GALNT2: variants seen among roughly 807,000 people sequenced by gnomAD.
GALNT2 encodes polypeptide N-acetylgalactosaminyltransferase 2.
GALNT2 carries 31 observed loss-of-function variants against 81.4 expected under a neutral mutation model. The observed-to-expected ratio is 0.38, with a 90% CI of 0.29 to 0.51. The LOEUF (loss-of-function observed/expected upper bound fraction) is 0.51, where lower values mean the gene tolerates loss of function less well. Among genes scored for constraint, GALNT2 ranks in the 20% least tolerant of loss-of-function variants. GALNT2 has a pLI of 0.87. For missense variants in GALNT2, 629 were observed against 765.7 expected (o/e 0.82, Z 2.11); for synonymous variants, 303 against 287.4 (o/e 1.05, Z -0.55).
chr1:230,270,385 T>A (rs1436653806), intron 14 of GALNT2, among the ~76,000 whole-genome samples: 1 of 152,218 alleles, frequency 6.6e-6, no homozygotes, highest in African/African-American at 2.4e-5. Context: ...CTACTATCAG[T>A]ACTTTCCAAT....
At chr1:230,179,459 AT>A (rs1157514557) in intron 2 of GALNT2, among the ~76,000 whole-genome samples, 1 of 152,194 alleles carries the variant, frequency 6.6e-6, no homozygotes, top group East Asian at 1.9e-4. Flanking sequence ...CCTCACCAGC[AT>A]TTGGTGTTGC....
intron 1 of GALNT2, among the ~76,000 whole-genome samples, chr1:230,137,466 T>G (rs56411650): frequency 6.6e-6 from 1 of 152,214 alleles, no homozygotes; most frequent in African/African-American, 2.4e-5. Flanking sequence ...CTGGCTTTGC[T>G]GAGAGGGTGC....
intron 2 of GALNT2, among the ~76,000 whole-genome samples, chr1:230,183,988 A>AT (rs1663238885): frequency 6.6e-6 from 1 of 151,876 alleles, no homozygotes; most frequent in African/African-American, 2.4e-5. Context: ...AAAAAAAAAA[A>AT]GGAAAAGTTT....
chr1:230,258,070 A>G lies in GALNT2; in HGVS notation c.1136+2726A>G, dbSNP rs575567461. On this transcript the variant is annotated intron_variant, in intron 11 of 15. Coordinates refer to ENST00000366672, the MANE Select transcript of GALNT2 (RefSeq NM_004481.5). ...CCTGGGCTTACAGGCATGTGCCACCATGCCCGGCTAATTTTTGTATTTTTA... is the reference window on the plus strand; with the variant it reads ...CCTGGGCTTACAGGCATGTGCCACCGTGCCCGGCTAATTTTTGTATTTTTA... Among the ~76,000 whole-genome samples, 6 of 152,070 alleles carry G rather than the reference A, an allele frequency of 3.9e-5. No individual in the cohort carries two copies. The East Asian group carries it at 9.7e-4, about 25-fold the overall frequency.
chr1:230,246,335 CT>C (rs1324579369), intron 8 of GALNT2, among the ~76,000 whole-genome samples, 185 bp downstream of exon 8: 10 of 152,212 alleles, frequency 6.6e-5, no homozygotes, highest in Non-Finnish European at 1.5e-4. Flanking sequence ...AATAGGCTTG[CT>C]CCCTTAAAGA....
chr1:230,279,415 C>T lies in GALNT2; in HGVS notation c.1673C>T (p.Ala558Val). The T allele has an allele frequency of 6.2e-7, 1 of 1,614,116 alleles. No individual in the cohort carries two copies. Among genetic ancestry groups the T allele is most frequent in the Non-Finnish European group, 8.5e-7 (1 of 1,180,020 alleles). Residue 558 changes from alanine (A) to valine (V), a missense_variant, in exon 16 of 16, where the codon GCC becomes GTC. By Grantham distance (64) the Ala-to-Val change is moderately conservative. Transcript: ENST00000366672. This position sits in a 1 kb window ranked among gnomAD's most constrained non-coding sequence, Gnocchi z 4.6. The part of the protein sequence containing the change: ...GGLSVEVCGP[A>V]LSQQWKFTLN... Reference sequence around the variant, plus strand: ...CTAAGCGTGGAGGTGTGTGGCCCGGCCCTTTCGCAGCAGTGGAAGTTCACG... The same window carrying T: ...CTAAGCGTGGAGGTGTGTGGCCCGGTCCTTTCGCAGCAGTGGAAGTTCACG...
At chr1:230,083,262 G>C (rs1558275421) in intron 1 of GALNT2, among the ~76,000 whole-genome samples, 1 of 144,146 alleles carries the variant, frequency 6.9e-6, no homozygotes, top group African/African-American at 2.8e-5. Context: ...CAGGCAGCCA[G>C]GATGATGGAG....
intron 1 of GALNT2, among the ~76,000 whole-genome samples, chr1:230,075,045 T>G (rs1045581310): frequency 6.6e-6 from 1 of 151,140 alleles, no homozygotes; most frequent in Non-Finnish European, 1.5e-5. Context: ...GCGGCCTCAT[T>G]TGGAAAGTTC....
At chr1:230,235,907 T>C in intron 3 of GALNT2, 107 bp from the exon 4 acceptor site, 2 of 899,334 alleles carry the variant, frequency 2.2e-6, no homozygotes, top group Non-Finnish European at 1.8e-6. Flanking sequence ...AAGTTAATCA[T>C]AGCATGTCCA....
chr1:230,247,753 C>G (rs985948362), intron 8 of GALNT2, among the ~76,000 whole-genome samples: 2 of 151,922 alleles, frequency 1.3e-5, no homozygotes, highest in Non-Finnish European at 2.9e-5. Context: ...CCACGTTCAC[C>G]CTAAGAGCAT....
At chr1:230,262,815 A>T in intron 12 of GALNT2, 107 bp from the exon 13 acceptor site, 2 of 1,326,174 alleles carry the variant, frequency 1.5e-6, no homozygotes, top group African/African-American at 1.4e-5. Flanking sequence ...AGTCCACACC[A>T]CACCACCTGC....
chr1:230,277,824 A>G (rs922310843), intron 15 of GALNT2, among the ~76,000 whole-genome samples: 1 of 152,186 alleles, frequency 6.6e-6, no homozygotes, highest in African/African-American at 2.4e-5. Context: ...TGGCTTTGCC[A>G]GTTGGAACAT....
rs1664352039 is a variant in GALNT2, at chr1:230,215,198, C to T, written c.374+11908C>T. Among the ~76,000 whole-genome samples the T allele has an allele frequency of 2.0e-5, 3 of 152,172 alleles. No homozygotes were observed. The South Asian group carries it at 6.2e-4, about 31-fold the overall frequency. On this transcript the variant is annotated intron_variant, in intron 3 of 15. Transcript: ENST00000366672. ...GGAAGTCTGGGATATGTATCAGAGC[C>T]CAGTTTCCTCAGCAAGCCCTGAAGT...
chr1:230,279,423 C>A lies in GALNT2; in HGVS notation c.1681C>A (p.Gln561Lys). The A allele has an allele frequency of 6.2e-7, 1 of 1,614,126 alleles. No individual in the cohort carries two copies. The change falls in exon 16 of 16, where the codon CAG becomes AAG. Residue 561 changes from glutamine to lysine, a missense_variant. By Grantham distance (53) the Gln-to-Lys change is moderately conservative. Around this residue, in one of 3 missense-constraint regions of GALNT2, gnomAD observed 207 missense variants for 225.5 expected, o/e 0.92. Transcript: ENST00000366672. This position sits in a 1 kb window ranked among gnomAD's most constrained non-coding sequence, Gnocchi z 4.6. ...SVEVCGPALS[Q>K]QWKFTLNLQQ ...GGAGGTGTGTGGCCCGGCCCTTTCGCAGCAGTGGAAGTTCACGCTCAACCT... is the reference window on the plus strand; with the variant it reads ...GGAGGTGTGTGGCCCGGCCCTTTCGAAGCAGTGGAAGTTCACGCTCAACCT...
intron 3 of GALNT2, among the ~76,000 whole-genome samples, chr1:230,207,480 A>G (rs1664098698): frequency 6.6e-6 from 1 of 152,248 alleles, no homozygotes; most frequent in Non-Finnish European, 1.5e-5. Context: ...CCAAGAAGAA[A>G]TATTTACATG....
intron 1 of GALNT2, among the ~76,000 whole-genome samples, chr1:230,071,396 G>A (rs1659368761): frequency 6.6e-6 from 1 of 152,190 alleles, no homozygotes; most frequent in Admixed American, 6.5e-5. Context: ...GAATGTGGGT[G>A]GAGGGTGCAG....
At chr1:230,266,205 C>T (rs561372918) in intron 14 of GALNT2, among the ~76,000 whole-genome samples, 2 of 152,086 alleles carry the variant, frequency 1.3e-5, no homozygotes, top group Admixed American at 6.6e-5. Flanking sequence ...AAAAAACAAA[C>T]AAACAAACAA....
chr1:230,099,358 ATGGTCAGATGTCT>A (rs376159910), intron 1 of GALNT2, among the ~76,000 whole-genome samples: 5 of 152,278 alleles, frequency 3.3e-5, no homozygotes, highest in African/African-American at 2.4e-5. Flanking sequence ...GTAGCATGCC[ATGGTCAGATGTCT>A]TGGGGAATCT....
chr1:230,177,290 C>T (rs894059872), intron 1 of GALNT2, among the ~76,000 whole-genome samples: 17 of 152,346 alleles, frequency 1.1e-4, no homozygotes, highest in Admixed American at 9.8e-4. Flanking sequence ...GGAATAAACC[C>T]GGGGAGAGCT....
Sources: gnomAD v4.1 joint callset for allele counts (sites outside exome capture counted in the v4.1 genomes callset) on GRCh38, gnomAD v4.1.1 for gene constraint, gnomAD v4.1.1 regional missense constraint, Gnocchi (gnomAD v3.1) non-coding constraint, MANE v1.5 for transcripts, NCBI Gene and HGNC (gene_info 2026-07-23, HGNC 2026-07-21) for gene names.